GRAMD1C: variants seen among roughly 807,000 people sequenced by gnomAD.
GRAMD1C encodes the protein GRAM domain containing 1C.
Under a neutral mutation model 97.8 loss-of-function variants are expected in GRAMD1C, and 89 were observed. The observed-to-expected ratio is 0.91, with a 90% confidence interval of 0.77 to 1.09. The LOEUF is 1.09. GRAMD1C is among the 50% of genes least tolerant of loss of function. The pLI is 0.00. For missense variants in GRAMD1C, 740 were observed against 766.4 expected, an observed-to-expected ratio of 0.97 and a Z score of 0.41; for synonymous variants, 256 against 267.0, an observed-to-expected ratio of 0.96 and a Z score of 0.40.
intron 10 of GRAMD1C, among the ~76,000 whole-genome samples, chr3:113,918,913 C>T (rs1936933022): frequency 6.6e-6 from 1 of 152,166 alleles, no homozygotes; most frequent in African/African-American, 2.4e-5. Context: ...CCAGGCTGGT[C>T]TTACACTCCT....
intron 13 of GRAMD1C, among the ~76,000 whole-genome samples, chr3:113,935,559 C>T (rs1937563483): frequency 1.3e-5 from 2 of 151,154 alleles, no homozygotes; most frequent in South Asian, 4.2e-4. Flanking sequence ...TATATATACA[C>T]ATATATATAC....
At position 113,862,419 on chromosome 3, in the gene GRAMD1C, A is replaced by C. The variant is rs569420084; in HGVS notation, c.175-7088A>C. On this transcript the variant is annotated intron_variant, in intron 2 of 17. Transcript: ENST00000358160. ...GCGATATTTCTCCCATTTGCTTTTG[A>C]AAGAAGAGAAATATGGCTCTGTTCC... 9.8e-5 allele frequency among the ~76,000 whole-genome samples: 15 copies of C among 152,318 alleles called. No homozygotes were observed. In the East Asian group the frequency reaches 2.3e-3, roughly 23 times the overall value.
intron 1 of GRAMD1C, among the ~76,000 whole-genome samples, chr3:113,830,485 C>A (rs1475869330): frequency 6.6e-6 from 1 of 152,080 alleles, no homozygotes; most frequent in African/African-American, 2.4e-5. Context: ...GGACTCTTAC[C>A]CTTACTATCT....
chr3:113,900,192 C>G (rs1359527124), intron 6 of GRAMD1C, among the ~76,000 whole-genome samples: 1 of 151,572 alleles, frequency 6.6e-6, no homozygotes, highest in African/African-American at 2.4e-5. Context: ...AACCCCATCT[C>G]TACTAAAAAT....
At chr3:113,832,209 G>T (rs1344668381) in intron 1 of GRAMD1C, among the ~76,000 whole-genome samples, 2 of 151,950 alleles carry the variant, frequency 1.3e-5, no homozygotes, top group Admixed American at 1.3e-4. Flanking sequence ...TGTGTTTTTA[G>T]TAGAGATAGG....
At position 113,885,748 on chromosome 3, in the gene GRAMD1C, T is replaced by C. The variant is rs1023902883; in HGVS notation, c.540+2916T>C. 40 of 1,580,348 alleles carry C rather than the reference T, an allele frequency of 2.5e-5. No individual in the cohort carries two copies. In the African/African-American group the frequency reaches 5.0e-4, roughly 20 times the overall value. On this transcript the variant is annotated intron_variant, in intron 6 of 17. Transcript: ENST00000358160. ...GGTAAACTGGACAATAGCAGAAGCATCCTTAAGAGGAGATATTACAGACAG... is the reference window on the plus strand; with the variant it reads ...GGTAAACTGGACAATAGCAGAAGCACCCTTAAGAGGAGATATTACAGACAG...
intron 6 of GRAMD1C, chr3:113,886,030 G>GACAGCT: frequency 8.6e-7 from 1 of 1,165,682 alleles, no homozygotes; most frequent in Non-Finnish European, 1.2e-6. Flanking sequence ...CGGCTCTGGT[G>GACAGCT]ACAGCTAATC....
At chr3:113,838,427 C>G (rs1429204990), upstream of GRAMD1C, 1 of 153,450 alleles carries the variant, frequency 6.5e-6, no homozygotes, top group African/African-American at 2.4e-5. Flanking sequence ...CAAAAATTAT[C>G]CGGGCGTGGT....
chr3:113,915,800 G>A lies in GRAMD1C; in HGVS notation c.1052G>A (p.Arg351His), dbSNP rs778073837. ...RMFELLFTSS[R>H]FMQKFASSRN... ...TTTGAATTGCTCTTTACCAGTTCACGCTTTATGCAGAAATTTGCCAGTTCT... is the reference window on the plus strand; with the variant it reads ...TTTGAATTGCTCTTTACCAGTTCACACTTTATGCAGAAATTTGCCAGTTCT... Residue 351 changes from arginine to histidine, a missense_variant, in exon 10 of 18, where the codon CGC becomes CAC. Arg to His is a conservative substitution (Grantham distance 29, BLOSUM62 0). Transcript: ENST00000358160. The A allele has an allele frequency of 5.0e-6, 8 of 1,611,228 alleles. No homozygotes were observed. The highest frequency in any genetic ancestry group is 4.5e-5 in the East Asian group (2 of 44,744).
chr3:113,938,264 C>T, intron 15 of GRAMD1C, 121 bp downstream of exon 15: 1 of 459,912 alleles, frequency 2.2e-6, no homozygotes, highest in East Asian at 3.6e-5. Context: ...TTGACTATTG[C>T]CGGCCTACAA....
intron 9 of GRAMD1C, among the ~76,000 whole-genome samples, chr3:113,911,990 A>G (rs550295523): frequency 6.6e-6 from 1 of 152,162 alleles, no homozygotes; most frequent in South Asian, 2.1e-4. Flanking sequence ...GCCTCCCAAA[A>G]TGCTGGGACT....
upstream of GRAMD1C, among the ~76,000 whole-genome samples, chr3:113,834,341 G>A (rs186985060): frequency 1.9e-4 from 29 of 151,994 alleles, no homozygotes; most frequent in South Asian, 1.0e-3. Flanking sequence ...CACCACGCCT[G>A]GCTAATTTTT....
intron 6 of GRAMD1C, among the ~76,000 whole-genome samples, chr3:113,893,172 A>G (rs1935802962): frequency 1.3e-5 from 2 of 152,290 alleles, no homozygotes; most frequent in South Asian, 4.1e-4. Flanking sequence ...CCTTTACAGA[A>G]ACAGTTTGTC....
chr3:113,919,192 A>G (rs771657665), intron 10 of GRAMD1C: 21 of 339,694 alleles, frequency 6.2e-5, no homozygotes, highest in Non-Finnish European at 1.1e-4. Flanking sequence ...AAAGGAGTAA[A>G]GTAGCGGGGA....
At chr3:113,862,259 G>A (rs984851661) in intron 2 of GRAMD1C, among the ~76,000 whole-genome samples, 2 of 152,176 alleles carry the variant, frequency 1.3e-5, no homozygotes, top group Admixed American at 6.5e-5. Context: ...GAGTGCCACG[G>A]GAGACTGGGG....
chr3:113,842,336 A>T (rs1019611502), intron 1 of GRAMD1C, among the ~76,000 whole-genome samples: 3 of 152,216 alleles, frequency 2.0e-5, no homozygotes, highest in Non-Finnish European at 4.4e-5. Flanking sequence ...GTTGAAGTTA[A>T]CTTAGAACCT....
chr3:113,931,869 C>T (rs1007357107), intron 11 of GRAMD1C, among the ~76,000 whole-genome samples: 19 of 152,048 alleles, frequency 1.2e-4, no homozygotes, highest in South Asian at 4.2e-4. Flanking sequence ...GAGATTACAG[C>T]GAGCTATGAT....
At chr3:113,913,338 A>G (rs1368874956) in intron 9 of GRAMD1C, among the ~76,000 whole-genome samples, 1 of 151,398 alleles carries the variant, frequency 6.6e-6, no homozygotes, top group Admixed American at 6.6e-5. Context: ...CAGTCTGGCC[A>G]ATGTGAGGAA....
intron 10 of GRAMD1C, among the ~76,000 whole-genome samples, chr3:113,918,600 G>T (rs1936922352): frequency 6.6e-6 from 1 of 152,202 alleles, no homozygotes; most frequent in Non-Finnish European, 1.5e-5. Flanking sequence ...GCTAGACCTA[G>T]AATTAGTCAG....
Sources: gnomAD v4.1 joint callset for allele counts (sites outside exome capture counted in the v4.1 genomes callset) on GRCh38, gnomAD v4.1.1 for gene constraint, MANE v1.5 for transcripts, NCBI Gene and HGNC (gene_info 2026-07-23, HGNC 2026-07-21) for gene names.